SH3GL3: variants seen among roughly 807,000 people sequenced by gnomAD.
SH3GL3 encodes the protein endophilin-A3.
Under a neutral mutation model 47.7 loss-of-function variants are expected in SH3GL3, and 33 were observed. The ratio of observed to expected loss-of-function variants is 0.69; its 90% CI spans 0.52 to 0.92. The LOEUF is 0.92. SH3GL3 is among the 40% of genes least tolerant of loss of function. The pLI, the probability that SH3GL3 is intolerant of heterozygous loss-of-function variation, is 0.00. For synonymous variants in SH3GL3, 155 were observed against 148.8 expected (o/e 1.04, Z -0.30); for missense variants, 363 against 417.8 (o/e 0.87, Z 1.14).
intron 8 of SH3GL3, among the ~76,000 whole-genome samples, chr15:83,607,052 T>C (rs1432921942): frequency 1.3e-5 from 2 of 152,218 alleles, no homozygotes; most frequent in Non-Finnish European, 2.9e-5. Flanking sequence ...TTTTCCTCAC[T>C]GCAGGGAATG....
intron 8 of SH3GL3, among the ~76,000 whole-genome samples, chr15:83,608,903 C>A (rs1052584234): frequency 6.6e-6 from 1 of 152,102 alleles, no homozygotes; most frequent in African/African-American, 2.4e-5. Flanking sequence ...CAATGGTTAC[C>A]TTCCTCTCTG....
intron 1 of SH3GL3, among the ~76,000 whole-genome samples, chr15:83,530,430 C>T (rs894596199): frequency 6.6e-6 from 1 of 152,162 alleles, no homozygotes; most frequent in Non-Finnish European, 1.5e-5. Context: ...GCCTTGCTTT[C>T]CCTTACTTTC....
chr15:83,546,472 G>T (rs1244586038), intron 1 of SH3GL3, among the ~76,000 whole-genome samples: 1 of 151,982 alleles, frequency 6.6e-6, no homozygotes, highest in East Asian at 1.9e-4. Flanking sequence ...TGCCCTCCAG[G>T]AGCTAAGGCC....
intron 1 of SH3GL3, among the ~76,000 whole-genome samples, chr15:83,519,412 A>G (rs963896516): frequency 6.6e-6 from 1 of 151,978 alleles, no homozygotes; most frequent in Non-Finnish European, 1.5e-5. Context: ...TTCGTAGGTA[A>G]TTTTTTGTGT....
At chr15:83,607,072 A>G (rs1567033449) in intron 8 of SH3GL3, among the ~76,000 whole-genome samples, 1 of 152,164 alleles carries the variant, frequency 6.6e-6, no homozygotes, top group South Asian at 2.1e-4. Flanking sequence ...GGTTTTCTGT[A>G]ATTATTCTGA....
At chr15:83,620,296 G>T (rs375777052), downstream of SH3GL3, among the ~76,000 whole-genome samples, 45 of 152,292 alleles carry the variant, frequency 3.0e-4, no homozygotes, top group African/African-American at 1.0e-3. Context: ...TGTTCTTAAA[G>T]GCATCTAGAA....
chr15:83,517,393 A>C (rs1162846380), intron 1 of SH3GL3, among the ~76,000 whole-genome samples: 1 of 151,280 alleles, frequency 6.6e-6, no homozygotes, highest in Non-Finnish European at 1.5e-5. Flanking sequence ...TTTAGTAGAG[A>C]TGGGATTTCA....
chr15:83,461,989 T>C (rs564612492), intron 1 of SH3GL3, among the ~76,000 whole-genome samples: 1 of 152,352 alleles, frequency 6.6e-6, no homozygotes, highest in East Asian at 1.9e-4. Flanking sequence ...TATTATATAC[T>C]TGTAGAAGGG....
chr15:83,501,519 A>G (rs757945748), intron 1 of SH3GL3, among the ~76,000 whole-genome samples: 1 of 152,216 alleles, frequency 6.6e-6, no homozygotes, highest in African/African-American at 2.4e-5. Flanking sequence ...TGAAAGGTCA[A>G]TTTATTCAAT....
chr15:83,560,634 G>C (rs2151745007), intron 2 of SH3GL3, among the ~76,000 whole-genome samples: 1 of 152,226 alleles, frequency 6.6e-6, no homozygotes, highest in East Asian at 1.9e-4. Context: ...ACCCCAGTGA[G>C]TTACAGAAGA....
chr15:83,605,878 C>A (rs920149704), intron 8 of SH3GL3, among the ~76,000 whole-genome samples: 1 of 151,982 alleles, frequency 6.6e-6, no homozygotes, highest in Admixed American at 6.6e-5. Flanking sequence ...TGTGTAGCTC[C>A]CAGAAAACCA....
At chr15:83,632,183 A>G in the SH3GL3 span, among the ~76,000 whole-genome samples, 1 of 152,198 alleles carries the variant, frequency 6.6e-6, no homozygotes, top group African/African-American at 2.4e-5. Flanking sequence ...CACTATCAGC[A>G]TTTTGGTCAA....
chr15:83,527,955 C>A (rs144789694), intron 1 of SH3GL3, among the ~76,000 whole-genome samples: 1 of 152,044 alleles, frequency 6.6e-6, no homozygotes, highest in African/African-American at 2.4e-5. Flanking sequence ...TTTAGGGCTC[C>A]GTTAAGCATT....
intron 8 of SH3GL3, among the ~76,000 whole-genome samples, chr15:83,605,494 A>G (rs1028820902): frequency 6.7e-6 from 1 of 148,352 alleles, no homozygotes; most frequent in East Asian, 1.9e-4. Flanking sequence ...AGCAAAGCTC[A>G]TGAGACTCTG....
At chr15:83,493,286 A>T in intron 1 of SH3GL3, among the ~76,000 whole-genome samples, 1 of 152,186 alleles carries the variant, frequency 6.6e-6, no homozygotes, top group Non-Finnish European at 1.5e-5. Flanking sequence ...AAGGTGGGCA[A>T]AACTTTAATA....
intron 8 of SH3GL3, among the ~76,000 whole-genome samples, chr15:83,610,817 C>T (rs1399284511): frequency 3.3e-5 from 5 of 152,000 alleles, no homozygotes; most frequent in African/African-American, 1.2e-4. Flanking sequence ...AAATATTGTC[C>T]TGGCACATGG....
intron 1 of SH3GL3, among the ~76,000 whole-genome samples, chr15:83,491,356 T>C (rs1404258530): frequency 6.6e-5 from 10 of 152,248 alleles, no homozygotes; most frequent in Admixed American, 6.5e-4. Context: ...AAATACTTCA[T>C]TGGACTGAAT....
At chr15:83,476,792 A>G (rs1221268709) in intron 1 of SH3GL3, among the ~76,000 whole-genome samples, 1 of 152,200 alleles carries the variant, frequency 6.6e-6, no homozygotes, top group Admixed American at 6.5e-5. Flanking sequence ...AAATACTACT[A>G]TGTGGTCCCT....
intron 1 of SH3GL3, among the ~76,000 whole-genome samples, chr15:83,533,654 C>T (rs2043778866): frequency 6.6e-6 from 1 of 152,170 alleles, no homozygotes; most frequent in Non-Finnish European, 1.5e-5. Flanking sequence ...TCGGGTAGGG[C>T]ATTGCCACAG....
Sources: allele counts gnomAD v4.1 joint callset (sites outside exome capture counted in the v4.1 genomes callset), GRCh38; gene constraint gnomAD v4.1.1; transcripts MANE v1.5; gene names NCBI Gene and HGNC (gene_info 2026-07-23, HGNC 2026-07-21).